Variants in DENND1A observed in about 807,000 individuals in gnomAD.
The protein encoded by DENND1A is DENN domain-containing protein 1A.
A neutral mutation model predicts 113.7 loss-of-function variants in DENND1A; 51 were observed. That is an observed-to-expected ratio of 0.45 (90% CI 0.36 to 0.57). The LOEUF (loss-of-function observed/expected upper bound fraction) is 0.57. Among genes scored for constraint, DENND1A ranks in the 20% least tolerant of loss-of-function variants. DENND1A has a pLI of 0.00. For synonymous variants in DENND1A, 565 were observed against 570.8 expected (o/e 0.99, Z 0.14); for missense variants, 1,258 against 1,395.9 (o/e 0.90, Z 1.57).
At chr9:123,711,502 T>TGTATATAA (rs2066602767) in intron 5 of DENND1A, among the ~76,000 whole-genome samples, 1 of 67,630 alleles carries the variant, frequency 1.5e-5, no homozygotes, top group African/African-American at 8.3e-5. Flanking sequence ...TATATATATA[T>TGTATATAA]ATGTATATAT....
chr9:123,582,463 G>A (rs7047006), intron 12 of DENND1A, among the ~76,000 whole-genome samples: 8,274 of 147,638 alleles, frequency 0.056, 299 homozygotes, highest in African/African-American at 0.095. Context: ...GCAGTGGCAC[G>A]ATCTCAGCTC....
In DENND1A at chr9:123,613,299, T is replaced by A. The variant is rs184534670; in HGVS notation, c.720-3818A>T. On this transcript the variant is annotated intron_variant, in intron 10 of 23. Transcript: ENST00000394215. The stretch of plus-strand genomic sequence containing the variant: ...AAAAACCTCTTATCACTCTTGAGCA[T>A]ACATTAAAAATAAAACAGCAAAATA... 6.6e-4 allele frequency among the ~76,000 whole-genome samples: 100 copies of A among 152,120 alleles called. 1 individual carries two copies. Among genetic ancestry groups the A allele is most frequent in the Middle Eastern group, 3.4e-3 (1 of 294 alleles).
At chr9:123,644,659 GA>G (rs1306420025) in intron 9 of DENND1A, among the ~76,000 whole-genome samples, 1 of 152,172 alleles carries the variant, frequency 6.6e-6, no homozygotes, top group East Asian at 1.9e-4. Flanking sequence ...CATGCACTTC[GA>G]AGGGGCTACG....
At chr9:123,923,213 T>A (rs1320015081) in intron 1 of DENND1A, among the ~76,000 whole-genome samples, 1 of 152,220 alleles carries the variant, frequency 6.6e-6, no homozygotes, top group Non-Finnish European at 1.5e-5. Context: ...AACCTTCCTA[T>A]CTGCTGTACA....
At chr9:123,403,360 C>T (rs1184361302) in intron 21 of DENND1A, 42 bp downstream of exon 21, 2 of 1,605,634 alleles carry the variant, frequency 1.2e-6, no homozygotes, top group African/African-American at 2.7e-5. Context: ...GCTCCGCAGA[C>T]ACAGGGTTCT....
chr9:123,869,051 G>A (rs1281738442), intron 2 of DENND1A, among the ~76,000 whole-genome samples: 2 of 152,150 alleles, frequency 1.3e-5, no homozygotes, highest in Admixed American at 6.5e-5. Flanking sequence ...GTTGAGTGGT[G>A]GATATGTGCA....
chr9:123,464,751 A>G (rs574618873), intron 13 of DENND1A, among the ~76,000 whole-genome samples: 1 of 152,154 alleles, frequency 6.6e-6, no homozygotes, highest in Non-Finnish European at 1.5e-5. Flanking sequence ...TTTTAATTAA[A>G]ACTTTTTTTT....
At chr9:123,435,933 C>T (rs1471752641) in intron 19 of DENND1A, among the ~76,000 whole-genome samples, 4 of 152,210 alleles carry the variant, frequency 2.6e-5, no homozygotes, top group Non-Finnish European at 5.9e-5. Flanking sequence ...TCAGTGCTCA[C>T]GGATGTGAAA....
rs557864300 is a variant in DENND1A at position 123,854,884 on chromosome 9, A to G, written c.88+24067T>C. ...CATTGCCACAACCTACTGCATGCAA[A>G]GTGGTAATAAATGCAGTGGAAGGGA... On this transcript the variant is annotated intron_variant, in intron 2 of 23. Transcript: ENST00000394215. 5.3e-5 allele frequency among the ~76,000 whole-genome samples: 8 copies of G among 150,864 alleles called. 1 individual carries two copies. In the East Asian group the frequency reaches 1.5e-3, roughly 29 times the overall value.
At chr9:123,513,203 G>A (rs1309873589) in intron 13 of DENND1A, among the ~76,000 whole-genome samples, 2 of 152,138 alleles carry the variant, frequency 1.3e-5, no homozygotes, top group East Asian at 1.9e-4. Context: ...AGGGCAGCCC[G>A]GTCCTCCTTG....
At position 123,609,620 on chromosome 9, in the gene DENND1A, T is replaced by C. The variant is rs1023732942; in HGVS notation, c.720-139A>G. 1.1e-5 allele frequency: 11 copies of C among 986,418 alleles called. No homozygotes were observed. In the African/African-American group the frequency reaches 1.2e-4, roughly 10 times the overall value. The allele number at this position is 986,418 out of a possible 1,614,324, so 61.1% of individuals were successfully genotyped here. ...ACATTTCCTTTCACAACAAAAATCC[T>C]AATATGACATTTTGTTCCCAAGCCT... On this transcript the variant is annotated intron_variant, in intron 10 of 23. Transcript: ENST00000394215.
intron 11 of DENND1A, among the ~76,000 whole-genome samples, chr9:123,593,893 T>C (rs546388874): frequency 2.9e-4 from 44 of 152,244 alleles, no homozygotes; most frequent in African/African-American, 1.0e-3. Context: ...CTTGCTGTTC[T>C]TGTGATGGTG....
chr9:123,474,196 TGTTA>T (rs1391846907), intron 13 of DENND1A, among the ~76,000 whole-genome samples: 2 of 152,118 alleles, frequency 1.3e-5, no homozygotes, highest in African/African-American at 4.8e-5. Flanking sequence ...GGTTTCACAA[TGTTA>T]GTCAGGCTGG....
intron 10 of DENND1A, among the ~76,000 whole-genome samples, chr9:123,629,828 G>A (rs1238136160): frequency 6.6e-6 from 1 of 152,146 alleles, no homozygotes; most frequent in African/African-American, 2.4e-5. Flanking sequence ...GATCTCAATT[G>A]TTTTTGTCCC....
intron 5 of DENND1A, among the ~76,000 whole-genome samples, chr9:123,728,510 A>C (rs964093554): frequency 2.0e-5 from 3 of 148,192 alleles, no homozygotes; most frequent in Non-Finnish European, 1.5e-5. Flanking sequence ...AAAAAAAAAA[A>C]CAGGCATCAG....
intron 18 of DENND1A, among the ~76,000 whole-genome samples, chr9:123,449,991 G>A (rs1182589338): frequency 6.3e-5 from 9 of 143,866 alleles, no homozygotes; most frequent in Non-Finnish European, 1.0e-4. Context: ...AAAGGCTATG[G>A]CAATAAAAAA....
chr9:123,457,407 T>C lies in DENND1A; in HGVS notation c.1127A>G (p.Asn376Ser), dbSNP rs760805756. 5 of 1,614,026 alleles carry C rather than the reference T, an allele frequency of 3.1e-6. No homozygotes were observed. Among genetic ancestry groups the C allele is most frequent in the African/African-American group, 1.3e-5 (1 of 75,030 alleles). ...QFIDGRLDLLNSGEGFSDVFE... is the reference protein window; with the variant it reads ...QFIDGRLDLLSSGEGFSDVFE... The stretch of plus-strand genomic sequence containing the variant: ...AACATCACTGAAACCTTCGCCGGAA[T>C]TGAGAAGATCTAATCGACCATCAAT... The change falls in exon 15 of 24, where the codon AAT (asparagine) becomes AGT (serine). Residue 376 changes from asparagine to serine, a missense_variant. Coordinates refer to ENST00000394215, the MANE Select transcript of DENND1A (RefSeq NM_001352964.2).
At chr9:123,543,132 G>C (rs2056409756) in intron 13 of DENND1A, among the ~76,000 whole-genome samples, 1 of 152,152 alleles carries the variant, frequency 6.6e-6, no homozygotes, top group Non-Finnish European at 1.5e-5. Flanking sequence ...TCCTGTTTTT[G>C]AGATTCCCAG....
chr9:123,693,416 A>G (rs1316530703), intron 5 of DENND1A, among the ~76,000 whole-genome samples: 1 of 152,130 alleles, frequency 6.6e-6, no homozygotes, highest in Non-Finnish European at 1.5e-5. Flanking sequence ...CACTTCCATC[A>G]CACCCCATCC....
Sources: allele counts gnomAD v4.1 joint callset (sites outside exome capture counted in the v4.1 genomes callset), GRCh38; gene constraint gnomAD v4.1.1; transcripts MANE v1.5; gene names NCBI Gene and HGNC (gene_info 2026-07-23, HGNC 2026-07-21).